WNT9A: variants seen among roughly 807,000 people sequenced by gnomAD.
WNT9A encodes the protein protein Wnt-9a.
Under a neutral mutation model 31.4 loss-of-function variants are expected in WNT9A, and 8 were observed. That is an observed-to-expected ratio of 0.26 (90% CI 0.15 to 0.46). The LOEUF (loss-of-function observed/expected upper bound fraction) is 0.46, where lower values mean the gene tolerates loss of function less well. WNT9A is among the 20% of genes least tolerant of loss of function. The probability of loss-of-function intolerance (pLI) is 0.99; values close to 1 mark genes in which losing one functional copy is unlikely to be tolerated. For missense variants in WNT9A, 457 were observed against 522.9 expected (o/e 0.87, Z 1.23); for synonymous variants, 236 against 220.1 (o/e 1.07, Z -0.64).
At position 227,926,337 on chromosome 1, in the gene WNT9A, C is replaced by A. The variant is rs1666420575; in HGVS notation, c.96-818G>T. 6.6e-6 allele frequency among the ~76,000 whole-genome samples: 1 copy of A among 152,106 alleles called. No individual in the cohort carries two copies. On this transcript the variant is annotated intron_variant, in intron 1 of 3. Transcript: ENST00000272164. The surrounding 1 kb of genome is among the most constrained non-coding windows in gnomAD (Gnocchi z 5.0). Reference sequence around the variant, plus strand: ...CCTCAACTGCTCCAGGAACCCGGCTCCACCCCACTGGGTGCCCCCTCCCCC... The same window carrying A: ...CCTCAACTGCTCCAGGAACCCGGCTACACCCCACTGGGTGCCCCCTCCCCC...
At position 227,921,951 on chromosome 1, in the gene WNT9A, C is replaced by G. The variant is rs764971736; in HGVS notation, c.665G>C (p.Gly222Ala). The G allele has an allele frequency of 3.7e-6, 6 of 1,612,590 alleles. 1 individual carries two copies. ...CCAGCAGGTCCGCACCGTGCATGAGCCTGACACGCCGTGGCACTTGCAGGT... is the reference window on the plus strand; with the variant it reads ...CCAGCAGGTCCGCACCGTGCATGAGGCTGACACGCCGTGGCACTTGCAGGT... ...ETTCKCHGVS[G>A]SCTVRTCWRQ... Residue 222 changes from glycine to alanine, a missense_variant, in exon 4 of 4, where the codon GGC (glycine) becomes GCC (alanine). By Grantham distance (60) the Gly-to-Ala change is moderately conservative. Transcript: ENST00000272164.
chr1:227,945,647 C>G (rs1329916812), intron 1 of WNT9A, among the ~76,000 whole-genome samples: 1 of 152,148 alleles, frequency 6.6e-6, no homozygotes, highest in Non-Finnish European at 1.5e-5. Flanking sequence ...CCCCTTCTCC[C>G]TGCTTCCTGG....
In WNT9A at chr1:227,925,148, GGCT is replaced by G; in HGVS notation, c.352+112_352+114del. Reference sequence around the variant, plus strand: ...GGCCTAGGCCCAGGAGCTCTGGGCAGGCTGGGCCCGGCGTCCCCAGGAGCGCAG... The same window carrying G: ...GGCCTAGGCCCAGGAGCTCTGGGCAGGGGCCCGGCGTCCCCAGGAGCGCAG... On this transcript the variant is annotated intron_variant, in intron 2 of 3. Coordinates refer to ENST00000272164, the MANE Select transcript of WNT9A (RefSeq NM_003395.4). This position sits in a 1 kb window ranked among gnomAD's most constrained non-coding sequence, Gnocchi z 6.0. The G allele has an allele frequency of 1.4e-6, 2 of 1,400,666 alleles. No individual in the cohort carries two copies. Among genetic ancestry groups the G allele is most frequent in the Non-Finnish European group, 1.9e-6 (2 of 1,073,694 alleles). 86.8% of individuals were successfully genotyped at this position (1,400,666 alleles called of 1,614,324 possible).
At position 227,925,172 on chromosome 1, in the gene WNT9A, C is replaced by T. The variant is rs1039136536; in HGVS notation, c.352+91G>A. 11 of 1,421,078 alleles carry T rather than the reference C, an allele frequency of 7.7e-6. No individual in the cohort carries two copies. In the East Asian group the frequency reaches 1.3e-4, roughly 17 times the overall value. 88.0% of individuals were successfully genotyped at this position (1,421,078 alleles called of 1,614,324 possible). ...AGGCTGGGCCCGGCGTCCCCAGGAG[C>T]GCAGCCTAAGAGGGGCCTCTTGGGA... On this transcript the variant is annotated intron_variant, in intron 2 of 3. Transcript: ENST00000272164. This position sits in a 1 kb window ranked among gnomAD's most constrained non-coding sequence, Gnocchi z 6.0.
rs1391090438 is a variant in WNT9A, at chr1:227,928,837, A to G, written c.96-3318T>C. On this transcript the variant is annotated intron_variant, in intron 1 of 3. Coordinates refer to ENST00000272164, the MANE Select transcript of WNT9A (RefSeq NM_003395.4). This position sits in a 1 kb window ranked among gnomAD's most constrained non-coding sequence, Gnocchi z 4.5. ...GAAGCTTTCTTCCGTGAGACTCAGA[A>G]CTCAGAAGTCACTGAAAAGTGAATA... Among the ~76,000 whole-genome samples, 2 of 152,226 alleles carry G rather than the reference A, an allele frequency of 1.3e-5. No homozygotes were observed. The highest frequency in any genetic ancestry group is 4.8e-5 in the African/African-American group (2 of 41,450).
Position 227,921,252 on chromosome 1 carries a change from T to G in WNT9A, c.*266A>C. The G allele has an allele frequency of 2.2e-6, 1 of 444,524 alleles. No individual in the cohort carries two copies. 27.5% of individuals were successfully genotyped at this position (444,524 alleles called of 1,614,324 possible). On this transcript the variant is annotated 3_prime_UTR_variant, in exon 4 of 4. Transcript: ENST00000272164. ...GCTGACTGGGCCCAGGGATTCAGCC[T>G]TGGCAGGTGTAGGCCCATTCATGCT...
Position 227,921,816 on chromosome 1 carries a change from A to T in WNT9A, c.800T>A (p.Ile267Asn). The T allele has an allele frequency of 6.2e-7, 1 of 1,612,892 alleles. No homozygotes were observed. Among genetic ancestry groups the T allele is most frequent in the Non-Finnish European group, 8.5e-7 (1 of 1,179,856 alleles). ...TNEAAGEAGAISPPRGRASGA... is the reference protein window; with the variant it reads ...TNEAAGEAGANSPPRGRASGA... Reference sequence around the variant, plus strand: ...CGAGGCACGGCCCCGTGGTGGGGAGATGGCACCTGCCTCGCCGGCAGCTTC... The same window carrying T: ...CGAGGCACGGCCCCGTGGTGGGGAGTTGGCACCTGCCTCGCCGGCAGCTTC... Residue 267 changes from isoleucine (I) to asparagine (N), a missense_variant, in exon 4 of 4, where the codon ATC becomes AAC. Coordinates refer to ENST00000272164, the MANE Select transcript of WNT9A (RefSeq NM_003395.4).
In WNT9A at chr1:227,921,976, T is replaced by C. The variant is rs1572122613; in HGVS notation, c.640A>G (p.Thr214Ala). 1 of 1,610,172 alleles carries C rather than the reference T, an allele frequency of 6.2e-7. No homozygotes were observed. ...VKVIKAGVET[T>A]CKCHGVSGSC... The stretch of plus-strand genomic sequence containing the variant: ...CCTGACACGCCGTGGCACTTGCAGG[T>C]GGTCTCCACCCCAGCCTTGATCACC... Residue 214 changes from threonine (T) to alanine (A), a missense_variant, in exon 4 of 4, where the codon ACC (threonine) becomes GCC (alanine). Physicochemically the swap from Thr to Ala is moderately conservative, Grantham distance 58. Transcript: ENST00000272164.
At position 227,930,215 on chromosome 1, in the gene WNT9A, A is replaced by AGCCACCCTATGTGAATCCATGCC. The variant is rs1666485907; in HGVS notation, c.96-4719_96-4697dup. Among the ~76,000 whole-genome samples the AGCCACCCTATGTGAATCCATGCC allele has an allele frequency of 2.6e-5, 4 of 152,188 alleles. No individual in the cohort carries two copies. In the South Asian group the frequency reaches 8.3e-4, roughly 31 times the overall value. On this transcript the variant is annotated intron_variant, in intron 1 of 3. Coordinates refer to ENST00000272164, the MANE Select transcript of WNT9A (RefSeq NM_003395.4). ...CGTGTCACGTGGTCCATGAGCAGCCAGCCACCCTATGTGAATCCATGCCGA... is the reference window on the plus strand; with the variant it reads ...CGTGTCACGTGGTCCATGAGCAGCCAGCCACCCTATGTGAATCCATGCCGCCACCCTATGTGAATCCATGCCGA...
At chr1:227,932,096 T>C (rs1241959767) in intron 1 of WNT9A, among the ~76,000 whole-genome samples, 2 of 152,236 alleles carry the variant, frequency 1.3e-5, no homozygotes, top group Non-Finnish European at 2.9e-5. Context: ...GACTTCTCTA[T>C]AGCAGGTGAT....
At chr1:227,940,796 T>C (rs1666690831) in intron 1 of WNT9A, among the ~76,000 whole-genome samples, 1 of 152,188 alleles carries the variant, frequency 6.6e-6, no homozygotes, top group Non-Finnish European at 1.5e-5. Context: ...GGGCTTCCTC[T>C]GGCGGGCAGC....
In WNT9A at chr1:227,923,421, G is replaced by A. The variant is rs764060524; in HGVS notation, c.615+717C>T. ...CAGAGTGGGGTTACAGGTCCAGCCC[G>A]GACTCCCCCAGACATGTGGACCTGG... On this transcript the variant is annotated intron_variant, in intron 3 of 3. Coordinates refer to ENST00000272164, the MANE Select transcript of WNT9A (RefSeq NM_003395.4). Among the ~76,000 whole-genome samples the A allele has an allele frequency of 4.8e-4, 73 of 152,280 alleles. 1 individual carries two copies. Among genetic ancestry groups the A allele is most frequent in the Non-Finnish European group, 7.5e-4 (51 of 68,012 alleles).
At chr1:227,931,074 T>A (rs1666503568) in intron 1 of WNT9A, among the ~76,000 whole-genome samples, 1 of 151,626 alleles carries the variant, frequency 6.6e-6, no homozygotes, top group South Asian at 2.1e-4. Flanking sequence ...TCTTCTCTCA[T>A]CTTCCTTCCT....
intron 1 of WNT9A, among the ~76,000 whole-genome samples, chr1:227,935,194 C>G (rs1263506334): frequency 6.6e-6 from 1 of 151,204 alleles, no homozygotes; most frequent in African/African-American, 2.4e-5. Flanking sequence ...GCCACAGCCT[C>G]AGGTTGCCAA....
intron 1 of WNT9A, among the ~76,000 whole-genome samples, chr1:227,939,002 G>A (rs905430946): frequency 6.6e-6 from 1 of 152,200 alleles, no homozygotes; most frequent in Admixed American, 6.5e-5. Context: ...CCCCGGTGAA[G>A]GGCCCGGATG....
intron 1 of WNT9A, among the ~76,000 whole-genome samples, chr1:227,932,822 G>A (rs1311250193): frequency 6.6e-6 from 1 of 152,180 alleles, no homozygotes; most frequent in African/African-American, 2.4e-5. Flanking sequence ...TCTGAGCAGT[G>A]GGTCTCCACA....
chr1:227,918,754 G>C lies in WNT9A; in HGVS notation c.*2764C>G, dbSNP rs1165328015. 1 of 152,240 alleles carries C rather than the reference G, an allele frequency of 6.6e-6. No individual in the cohort carries two copies. Among genetic ancestry groups the C allele is most frequent in the African/African-American group, 2.4e-5 (1 of 41,450 alleles). 9.4% of individuals were successfully genotyped at this position (152,240 alleles called of 1,614,324 possible). A position where few individuals can be genotyped will look rare whatever the true frequency, so the allele number is the denominator to read the frequency against. Reference sequence around the variant, plus strand: ...CATTCTCCACAGTCCCTCTGGGACGGGCCACACAGATGAGGTAGAGAAATC... The same window carrying C: ...CATTCTCCACAGTCCCTCTGGGACGCGCCACACAGATGAGGTAGAGAAATC... On this transcript the variant is annotated 3_prime_UTR_variant, in exon 4 of 4. Transcript: ENST00000272164.
chr1:227,924,073 A>AC, intron 3 of WNT9A, 65 bp downstream of exon 3: 2 of 28,508 alleles, frequency 7.0e-5, no homozygotes, highest in South Asian at 7.2e-4. Flanking sequence ...CCCACGCCCC[A>AC]CCCCCAACCC....
chr1:227,943,823 T>C (rs542710036), intron 1 of WNT9A, among the ~76,000 whole-genome samples: 1 of 152,026 alleles, frequency 6.6e-6, no homozygotes, highest in East Asian at 1.9e-4. Context: ...AAAAATAAAA[T>C]TTAAAAAAAT....
Sources: gnomAD v4.1 joint callset for allele counts (sites outside exome capture counted in the v4.1 genomes callset) on GRCh38, gnomAD v4.1.1 for gene constraint, Gnocchi (gnomAD v3.1) non-coding constraint, MANE v1.5 for transcripts, NCBI Gene and HGNC (gene_info 2026-07-23, HGNC 2026-07-21) for gene names.